The following LTBP1 variants were observed in gnomAD, a reference collection of about 807,000 sequenced individuals.
LTBP1 encodes latent-transforming growth factor beta-binding protein 1.
Under a neutral mutation model 207.6 loss-of-function variants are expected in LTBP1, and 129 were observed. The ratio of observed to expected loss-of-function variants is 0.62; its 90% CI spans 0.54 to 0.72. LTBP1 has a LOEUF of 0.72. Ranked by LOEUF, LTBP1 falls within the 30% of genes least tolerant of loss-of-function variation. The pLI is 0.00. For synonymous variants in LTBP1, 963 were observed against 833.7 expected, an observed-to-expected ratio of 1.16 and a Z score of -2.67; for missense variants, 2,281 against 2,217.2, an observed-to-expected ratio of 1.03 and a Z score of -0.58.
intron 3 of LTBP1, chr2:33,056,448 C>G: frequency 2.1e-6 from 2 of 955,854 alleles, no homozygotes; most frequent in Non-Finnish European, 3.0e-6. Flanking sequence ...GTTTAGTTCC[C>G]TGTTGTTGCA....
intron 5 of LTBP1, among the ~76,000 whole-genome samples, chr2:33,139,048 C>T (rs1203468130): frequency 7.3e-5 from 11 of 151,038 alleles, no homozygotes; most frequent in South Asian, 2.1e-4. Context: ...TTAGTAGAGA[C>T]GGGGTTTCAC....
Position 32,947,337 on chromosome 2 carries a change from T to TGGCTCAGGTGGGGGCTCC in LTBP1, c.14_31dup (p.Leu10_Leu11insArgLeuArgTrpGlyLeu). On this transcript the variant is annotated inframe_insertion, in exon 1 of 34. Transcript: ENST00000404816. ...GCTGGGGCCCGCGATGGCGGGGGCCTGGCTCAGGTGGGGGCTCCTGCTCTG... is the reference window on the plus strand; with the variant it reads ...GCTGGGGCCCGCGATGGCGGGGGCCTGGCTCAGGTGGGGGCTCCGGCTCAGGTGGGGGCTCCTGCTCTG... The TGGCTCAGGTGGGGGCTCC allele has an allele frequency of 8.1e-7, 1 of 1,238,874 alleles. No homozygotes were observed. Among genetic ancestry groups the TGGCTCAGGTGGGGGCTCC allele is most frequent in the East Asian group, 3.3e-5 (1 of 30,420 alleles). 76.7% of individuals were successfully genotyped at this position (1,238,874 alleles called of 1,614,324 possible).
At chr2:33,086,137 C>T (rs534919966) in intron 3 of LTBP1, among the ~76,000 whole-genome samples, 5 of 152,288 alleles carry the variant, frequency 3.3e-5, no homozygotes, top group East Asian at 1.9e-4. Context: ...AAGTAGGTAC[C>T]GCATTAGCAT....
intron 23 of LTBP1, among the ~76,000 whole-genome samples, chr2:33,312,523 C>T (rs576248059): frequency 9.7e-4 from 148 of 152,136 alleles, no homozygotes; most frequent in Middle Eastern, 3.4e-3. Context: ...TGTGGAATCG[C>T]GGACCCATGA....
intron 2 of LTBP1, among the ~76,000 whole-genome samples, chr2:32,951,157 C>G (rs1286298002): frequency 6.6e-6 from 1 of 152,220 alleles, no homozygotes; most frequent in Non-Finnish European, 1.5e-5. Context: ...CTTAAGTTTT[C>G]CTGCTGGCTT....
At chr2:33,155,947 A>G (rs1160772693) in intron 5 of LTBP1, among the ~76,000 whole-genome samples, 1 of 152,222 alleles carries the variant, frequency 6.6e-6, no homozygotes, top group Non-Finnish European at 1.5e-5. Context: ...ACAGCAAACC[A>G]AGGGAAACCA....
At chr2:33,033,660 C>A (rs1490457965) in intron 3 of LTBP1, among the ~76,000 whole-genome samples, 2 of 149,744 alleles carry the variant, frequency 1.3e-5, no homozygotes, top group African/African-American at 2.5e-5. Context: ...AAACAGCAAT[C>A]TGAAAGCTAA....
chr2:33,337,981 T>C (rs977822365), intron 24 of LTBP1, among the ~76,000 whole-genome samples: 2 of 152,200 alleles, frequency 1.3e-5, no homozygotes, highest in African/African-American at 2.4e-5. Flanking sequence ...TGGAAAAATA[T>C]CTCAGAGAGC....
At chr2:33,072,404 A>T (rs2077835675) in intron 3 of LTBP1, among the ~76,000 whole-genome samples, 1 of 152,130 alleles carries the variant, frequency 6.6e-6, no homozygotes, top group Non-Finnish European at 1.5e-5. Context: ...AAACCTACCA[A>T]GGCCTGTCCA....
At chr2:33,167,915 G>A (rs1313742384) in intron 5 of LTBP1, among the ~76,000 whole-genome samples, 2 of 152,204 alleles carry the variant, frequency 1.3e-5, no homozygotes, top group African/African-American at 4.8e-5. Context: ...AGTTAAGCAG[G>A]AAATTGATGG....
intron 31 of LTBP1, 59 bp from the exon 32 acceptor site, chr2:33,389,125 G>T: frequency 6.2e-7 from 1 of 1,609,416 alleles, no homozygotes; most frequent in Non-Finnish European, 8.5e-7. Flanking sequence ...AGCTGCGAGG[G>T]GGTGGGGCAG....
At chr2:33,181,524 A>C (rs1292131310) in intron 5 of LTBP1, among the ~76,000 whole-genome samples, 1 of 152,202 alleles carries the variant, frequency 6.6e-6, no homozygotes, top group African/African-American at 2.4e-5. Context: ...AGATACTTTG[A>C]GTGACCGTCA....
At chr2:33,050,384 T>C (rs994231139) in intron 3 of LTBP1, among the ~76,000 whole-genome samples, 2 of 152,098 alleles carry the variant, frequency 1.3e-5, no homozygotes, top group Non-Finnish European at 2.9e-5. Flanking sequence ...TTCTATTCTT[T>C]GAGTAGATGT....
intron 10 of LTBP1, among the ~76,000 whole-genome samples, chr2:33,251,778 G>A (rs1041040976): frequency 2.0e-5 from 3 of 151,988 alleles, no homozygotes; most frequent in African/African-American, 7.3e-5. Flanking sequence ...TGGGTTTGGG[G>A]AATGGGCGGC....
intron 3 of LTBP1, among the ~76,000 whole-genome samples, chr2:33,048,399 A>G (rs2076552153): frequency 6.6e-6 from 1 of 152,222 alleles, no homozygotes. Flanking sequence ...CTAATAGTAG[A>G]GAAAAACAGG....
rs373249986 is a variant in LTBP1 at position 33,044,037 on chromosome 2, C to T, written c.863+22831C>T. Among the ~76,000 whole-genome samples the T allele has an allele frequency of 5.4e-4, 78 of 145,034 alleles. 1 individual carries two copies. Among genetic ancestry groups the T allele is most frequent in the African/African-American group, 1.8e-3 (70 of 39,966 alleles). ...TATATTCACAGTATAGATTTCTGTT[C>T]GTTTTTTTTTTTTCTTCAAAAGCCT... is the stretch of plus-strand genomic sequence containing the variant. On this transcript the variant is annotated intron_variant, in intron 3 of 33. Transcript: ENST00000404816.
intron 23 of LTBP1, 89 bp downstream of exon 23, chr2:33,309,645 G>T: frequency 7.0e-7 from 1 of 1,430,558 alleles, no homozygotes; most frequent in Non-Finnish European, 9.5e-7. Flanking sequence ...GTTTTGCCAT[G>T]TGATTTATAT....
At chr2:33,029,958 T>C (rs973738542) in intron 3 of LTBP1, among the ~76,000 whole-genome samples, 1 of 152,198 alleles carries the variant, frequency 6.6e-6, no homozygotes, top group Non-Finnish European at 1.5e-5. Context: ...GTTACCAATA[T>C]AGAGAGCTGT....
intron 17 of LTBP1, 129 bp downstream of exon 17, chr2:33,275,219 T>C (rs2093401043): frequency 1.9e-6 from 2 of 1,064,122 alleles, no homozygotes; most frequent in Admixed American, 2.7e-5. Flanking sequence ...ATGACAGCAG[T>C]CTGCTAGATC....
Sources: allele counts gnomAD v4.1 joint callset (sites outside exome capture counted in the v4.1 genomes callset), GRCh38; gene constraint gnomAD v4.1.1; transcripts MANE v1.5; gene names NCBI Gene and HGNC (gene_info 2026-07-23, HGNC 2026-07-21).